Variants in NOTCH1 observed in about 807,000 individuals in gnomAD.
NOTCH1 encodes the protein neurogenic locus notch homolog protein 1.
NOTCH1 carries 37 observed loss-of-function variants against 254.8 expected under a neutral mutation model. The ratio of observed to expected loss-of-function variants is 0.15; its 90% CI spans 0.11 to 0.19. The LOEUF is 0.19. NOTCH1 is among the 10% of genes least tolerant of loss of function. The pLI, the probability that NOTCH1 is intolerant of heterozygous loss-of-function variation, is 1.00. For synonymous variants in NOTCH1, 1,731 were observed against 1,618.1 expected, an observed-to-expected ratio of 1.07 and a Z score of -1.68; for missense variants, 2,972 against 3,708.6, an observed-to-expected ratio of 0.80 and a Z score of 5.16.
At chr9:136,534,846 AGTCCCTCCCC>A in intron 2 of NOTCH1, among the ~76,000 whole-genome samples, 3 of 23,814 alleles carry the variant, frequency 1.3e-4, no homozygotes, top group African/African-American at 3.9e-4. Flanking sequence ...CAGAGCCCCC[AGTCCCTCCCC>A]ACAGAGCCCC....
At chr9:136,516,465 C>T (rs746994065) in intron 9 of NOTCH1, among the ~76,000 whole-genome samples, 1 of 152,224 alleles carries the variant, frequency 6.6e-6, no homozygotes, top group Non-Finnish European at 1.5e-5. Flanking sequence ...CCCCGGCCCC[C>T]AGCTCTGGGA....
intron 2 of NOTCH1, among the ~76,000 whole-genome samples, chr9:136,526,665 G>A (rs985953546): frequency 6.6e-6 from 1 of 152,330 alleles, no homozygotes; most frequent in East Asian, 1.9e-4. Context: ...CACTCTGCCC[G>A]GACACCGGGC....
At chr9:136,544,127 G>A (rs760194461) in intron 1 of NOTCH1, 25 bp from the exon 2 acceptor site, 2 of 1,553,542 alleles carry the variant, frequency 1.3e-6, no homozygotes, top group Non-Finnish European at 1.7e-6. Flanking sequence ...GAGAAGAGAG[G>A]TCAGTCTCAC....
intron 21 of NOTCH1, 112 bp downstream of exon 21, chr9:136,507,842 AG>A: frequency 9.1e-7 from 1 of 1,104,606 alleles, no homozygotes; most frequent in Non-Finnish European, 1.4e-6. Flanking sequence ...GAGACTGAAC[AG>A]TGCATGGGCC....
At chr9:136,497,862 T>G (rs1842942105) in intron 33 of NOTCH1, among the ~76,000 whole-genome samples, 1 of 152,154 alleles carries the variant, frequency 6.6e-6, no homozygotes. Context: ...TCTAACCAAC[T>G]GCAGGCCCTC....
In NOTCH1 at chr9:136,499,151, T is replaced by C. The variant is rs769436618; in HGVS notation, c.6043A>G (p.Ile2015Val). Reference protein sequence around the residue: ...LAVEGMLEDLINSHADVNAVD... With the variant: ...LAVEGMLEDLVNSHADVNAVD... Reference sequence around the variant, plus strand: ...GCGTTGACGTCGGCGTGTGAGTTGATGAGGTCCTCCAGCATGCCCTCCACG... The same window carrying C: ...GCGTTGACGTCGGCGTGTGAGTTGACGAGGTCCTCCAGCATGCCCTCCACG... The change falls in exon 32 of 34, where the codon ATC becomes GTC. Residue 2015 changes from isoleucine to valine, a missense_variant. Around this residue, in one of 8 missense-constraint regions of NOTCH1, gnomAD observed 421 missense variants for 604.4 expected, o/e 0.70. Transcript: ENST00000651671. The C allele has an allele frequency of 3.7e-6, 6 of 1,613,330 alleles. No homozygotes were observed. In the South Asian group the frequency reaches 5.5e-5, roughly 15 times the overall value.
In NOTCH1 at chr9:136,514,512, G is replaced by T. The variant is rs2229970; in HGVS notation, c.2205C>A (p.Asn735Lys). The change falls in exon 13 of 34, where the codon AAC (asparagine) becomes AAA (lysine). Residue 735 changes from asparagine to lysine, a missense_variant and splice_region_variant. Transcript: ENST00000651671. ...CCATGATCGGCCCCGCCGCATACCC[G>T]TTGAGGCTGTCCCGGCAGGCCCCGT... ...CVHGACRDSLNGYKCDCDPGW... is the reference protein window; with the variant it reads ...CVHGACRDSLKGYKCDCDPGW... 1 of 1,577,520 alleles carries T rather than the reference G, an allele frequency of 6.3e-7. No individual in the cohort carries two copies. The highest frequency in any genetic ancestry group is 8.6e-7 in the Non-Finnish European group (1 of 1,162,610).
intron 8 of NOTCH1, 31 bp downstream of exon 8, chr9:136,517,721 C>G: frequency 1.9e-6 from 3 of 1,612,054 alleles, no homozygotes; most frequent in Non-Finnish European, 1.7e-6. Flanking sequence ...AGCCTCGACT[C>G]GGTTTCCCGC....
At position 136,510,659 on chromosome 9, in the gene NOTCH1, G is replaced by GGCAGTCGTCGATGTCGGTCTC; in HGVS notation, c.2713_2733dup (p.Glu905_Cys911dup). ...GAGCCGCGGGGCTACTCACTGGGCC[G>GGCAGTCGTCGATGTCGGTCTC]GCAGTCGTCGATGTCGGTCTCGCAG... is the stretch of plus-strand genomic sequence containing the variant. On this transcript the variant is annotated inframe_insertion, in exon 17 of 34. Transcript: ENST00000651671. 4 of 1,605,842 alleles carry GGCAGTCGTCGATGTCGGTCTC rather than the reference G, an allele frequency of 2.5e-6. No homozygotes were observed. The highest frequency in any genetic ancestry group is 3.4e-6 in the Non-Finnish European group (4 of 1,178,866).
chr9:136,541,041 G>A (rs1287644367), intron 2 of NOTCH1, among the ~76,000 whole-genome samples: 1 of 152,148 alleles, frequency 6.6e-6, no homozygotes, highest in Non-Finnish European at 1.5e-5. Context: ...AGCTGATGAG[G>A]GGGCTAGAGA....
rs542875894 is a variant in NOTCH1 at position 136,496,986 on chromosome 9, G to C, written c.6753C>G (p.Ala2251=). ...CACCCAGCGCCGCCATCTCGGGCTT[G>C]GCCGCCACGTTCAGGTGCCCGATGC... ...HLGIGHLNVA[A]KPEMAALGGG... The change falls in exon 34 of 34, where the codon GCC becomes GCG. Residue 2251 remains alanine (A), a synonymous_variant. Coordinates refer to ENST00000651671, the MANE Select transcript of NOTCH1 (RefSeq NM_017617.5). 2.4e-5 allele frequency: 38 copies of C among 1,610,406 alleles called. No homozygotes were observed. The highest frequency in any genetic ancestry group is 2.8e-5 in the Non-Finnish European group (33 of 1,179,104).
intron 2 of NOTCH1, among the ~76,000 whole-genome samples, chr9:136,541,852 T>C (rs1052985759): frequency 6.6e-6 from 1 of 152,162 alleles, no homozygotes; most frequent in Non-Finnish European, 1.5e-5. Context: ...TCCCATCTTC[T>C]CGTTGGACTT....
At position 136,523,033 on chromosome 9, in the gene NOTCH1, C is replaced by T. The variant is rs750295442; in HGVS notation, c.559G>A (p.Gly187Arg). The change falls in exon 4 of 34, where the codon GGG becomes AGG. Residue 187 changes from glycine (G) to arginine (R), a missense_variant. Coordinates refer to ENST00000651671, the MANE Select transcript of NOTCH1 (RefSeq NM_017617.5). ...QDVNECGQKP[G>R]LCRHGGTCHN... is the part of the protein sequence containing the mutation. ...CAGGTGCCTCCGTGGCGGCAAAGCC[C>T]GGGCTTCTGGCCACACTCGTTGACA... 4 of 1,553,378 alleles carry T rather than the reference C, an allele frequency of 2.6e-6. No individual in the cohort carries two copies. The highest frequency in any genetic ancestry group is 2.4e-5 in the South Asian group (2 of 84,382).
At position 136,509,034 on chromosome 9, in the gene NOTCH1, T is replaced by A; in HGVS notation, c.3007A>T (p.Asn1003Tyr). ...GGTGGACACAGGCAGGTGAACGAGT[T>A]GATGCCGTCCACGCAGGTGCCACCG... ...FNGGTCVDGI[N>Y]SFTCLCPPGF... The change falls in exon 19 of 34, where the codon AAC (asparagine) becomes TAC (tyrosine). Residue 1003 changes from asparagine (N) to tyrosine (Y), a missense_variant. By Grantham distance (143) the Asn-to-Tyr change is moderately radical. Around this residue, in one of 8 missense-constraint regions of NOTCH1, gnomAD observed 1,343 missense variants for 1,557.0 expected, o/e 0.86. Transcript: ENST00000651671. The A allele has an allele frequency of 6.4e-7, 1 of 1,562,828 alleles. No individual in the cohort carries two copies. Among genetic ancestry groups the A allele is most frequent in the South Asian group, 1.2e-5 (1 of 85,014 alleles).
At chr9:136,508,410 G>C (rs941227675) in intron 19 of NOTCH1, 25 bp from the exon 20 acceptor site, 1 of 1,612,830 alleles carries the variant, frequency 6.2e-7, no homozygotes, top group South Asian at 1.1e-5. Context: ...GGGTCAGCTG[G>C]GTGCCCGCGC....
chr9:136,518,427 T>C (rs1484162447), intron 6 of NOTCH1, 135 bp from the exon 7 acceptor site: 1 of 1,275,408 alleles, frequency 7.8e-7, no homozygotes, highest in Non-Finnish European at 1.1e-6. Flanking sequence ...CCGTGACACT[T>C]GGGACGTTCC....
chr9:136,515,208 C>T, intron 12 of NOTCH1, 82 bp downstream of exon 12: 2 of 1,351,642 alleles, frequency 1.5e-6, no homozygotes, highest in Non-Finnish European at 2.1e-6. Context: ...CCTCACCCAA[C>T]CCCTCAGCAG....
At chr9:136,529,053 C>T (rs945278736) in intron 2 of NOTCH1, among the ~76,000 whole-genome samples, 1 of 152,146 alleles carries the variant, frequency 6.6e-6, no homozygotes, top group Non-Finnish European at 1.5e-5. Flanking sequence ...GCAGGGGCAC[C>T]CCCACGCCCT....
rs73668309 is a variant in NOTCH1, at chr9:136,494,587, A to T, written c.*1484T>A. ...TTTATAAAACACAGTAAAAATCAAC[A>T]TCTTGGGACGCATCTGGTCATGCCC... On this transcript the variant is annotated 3_prime_UTR_variant, in exon 34 of 34. Coordinates refer to ENST00000651671, the MANE Select transcript of NOTCH1 (RefSeq NM_017617.5). 1.2e-3 allele frequency: 469 copies of T among 398,998 alleles called. 3 individuals are homozygous for T. The highest frequency in any genetic ancestry group is 8.9e-3 in the African/African-American group (434 of 48,758). 24.7% of individuals were successfully genotyped at this position (398,998 alleles called of 1,614,324 possible). A position where few individuals can be genotyped will look rare whatever the true frequency, so the allele number is the denominator to read the frequency against.
Sources: allele counts gnomAD v4.1 joint callset (sites outside exome capture counted in the v4.1 genomes callset), GRCh38; gene constraint gnomAD v4.1.1; regional missense constraint gnomAD v4.1.1; transcripts MANE v1.5; gene names NCBI Gene and HGNC (gene_info 2026-07-23, HGNC 2026-07-21).